Variants in DAPK2 observed in about 807,000 individuals in gnomAD.
DAPK2 encodes death-associated protein kinase 2.
Under a neutral mutation model 44.1 loss-of-function variants are expected in DAPK2, and 35 were observed. The observed-to-expected ratio is 0.79, with a 90% CI of 0.61 to 1.05. The LOEUF is 1.05. Among genes scored for constraint, DAPK2 ranks in the 50% least tolerant of loss-of-function variants. DAPK2 has a pLI of 0.00. For synonymous variants in DAPK2, 174 were observed against 182.6 expected (o/e 0.95, Z 0.38); for missense variants, 453 against 483.2 (o/e 0.94, Z 0.59).
At chr15:63,938,089 C>G (rs2077211786) in intron 4 of DAPK2, among the ~76,000 whole-genome samples, 1 of 152,204 alleles carries the variant, frequency 6.6e-6, no homozygotes. Context: ...ACCAGAAAAT[C>G]TAAAAAGATC....
At chr15:63,946,230 G>GC (rs1567224469) in intron 3 of DAPK2, among the ~76,000 whole-genome samples, 1 of 152,240 alleles carries the variant, frequency 6.6e-6, no homozygotes, top group Non-Finnish European at 1.5e-5. Flanking sequence ...GGCCAGAGGT[G>GC]CCTGCTGTGG....
chr15:63,936,911 T>C (rs1039987210), intron 4 of DAPK2, among the ~76,000 whole-genome samples: 6 of 148,198 alleles, frequency 4.0e-5, no homozygotes, highest in Admixed American at 2.8e-4. Flanking sequence ...GCCCAGGACA[T>C]TGAATCTGCA....
intron 6 of DAPK2, 58 bp from the exon 8 acceptor site, chr15:63,926,151 T>G (rs2140337575): frequency 6.4e-7 from 1 of 1,550,460 alleles, no homozygotes; most frequent in Non-Finnish European, 8.7e-7. Flanking sequence ...AAATGGGGAT[T>G]ACGGACTCGG....
At chr15:63,976,527 T>A (rs985265344) in intron 2 of DAPK2, among the ~76,000 whole-genome samples, 4 of 151,654 alleles carry the variant, frequency 2.6e-5, no homozygotes, top group Non-Finnish European at 4.4e-5. Flanking sequence ...AAGACCAGCC[T>A]GGGCAACATA....
At chr15:63,979,075 G>C (rs1325410332) in intron 2 of DAPK2, among the ~76,000 whole-genome samples, 2 of 152,202 alleles carry the variant, frequency 1.3e-5, no homozygotes, top group African/African-American at 4.8e-5. Context: ...CAACCACCAC[G>C]GTATCGCTTT....
intron 4 of DAPK2, among the ~76,000 whole-genome samples, chr15:63,936,291 G>T (rs1368429249): frequency 6.6e-6 from 1 of 152,198 alleles, no homozygotes; most frequent in Non-Finnish European, 1.5e-5. Flanking sequence ...AGGTGGTGCT[G>T]AAGGAGTTAC....
chr15:64,039,764 C>T (rs1032132725), intron 1 of DAPK2, among the ~76,000 whole-genome samples: 1 of 152,128 alleles, frequency 6.6e-6, no homozygotes, highest in Non-Finnish European at 1.5e-5. Flanking sequence ...AGGATTACCT[C>T]ACCTCCCATT....
chr15:64,045,663 G>T (rs373502313), intron 1 of DAPK2, among the ~76,000 whole-genome samples: 2 of 152,190 alleles, frequency 1.3e-5, no homozygotes, highest in South Asian at 4.1e-4. Flanking sequence ...TTACGGTGAG[G>T]GTTAGCCAGA....
chr15:63,927,397 G>A (rs1418075547), intron 6 of DAPK2, among the ~76,000 whole-genome samples: 1 of 152,122 alleles, frequency 6.6e-6, no homozygotes, highest in Non-Finnish European at 1.5e-5. Flanking sequence ...TCCACCCACA[G>A]AATTAACTTC....
At chr15:64,042,887 C>A (rs1283190068), upstream of DAPK2, among the ~76,000 whole-genome samples, 2 of 152,212 alleles carry the variant, frequency 1.3e-5, no homozygotes, top group Non-Finnish European at 2.9e-5. The surrounding 1 kb of genome is among the most constrained non-coding windows in gnomAD (Gnocchi z 4.7). Flanking sequence ...GCTCCATGAT[C>A]CTTGCCCTCC....
intron 1 of DAPK2, among the ~76,000 whole-genome samples, chr15:64,032,116 T>A (rs2080033131): frequency 6.6e-6 from 1 of 152,118 alleles, no homozygotes. Flanking sequence ...GACGGACAGA[T>A]AAAAGCTGAT....
chr15:63,982,963 G>A (rs755692048), intron 2 of DAPK2, among the ~76,000 whole-genome samples: 2 of 152,198 alleles, frequency 1.3e-5, no homozygotes, highest in Admixed American at 6.5e-5. Flanking sequence ...TGAACAAGAC[G>A]ACAGATAGAA....
chr15:63,983,620 C>T (rs1173834868), exon 2 of DAPK2: 3 of 1,614,052 alleles, frequency 1.9e-6, no homozygotes, highest in Non-Finnish European at 1.7e-6. Flanking sequence ...CCGCAGGATG[C>T]TCACCTCCCG....
At chr15:63,924,780 C>T (rs2079190847) in intron 8 of DAPK2, 36 bp downstream of exon 9, 11 of 1,613,304 alleles carry the variant, frequency 6.8e-6, no homozygotes, top group Non-Finnish European at 9.3e-6. Flanking sequence ...AGAGCAGGGA[C>T]CCTTTGCCCA....
chr15:63,979,374 A>G (rs1361975479), intron 2 of DAPK2, among the ~76,000 whole-genome samples: 2 of 152,208 alleles, frequency 1.3e-5, no homozygotes, highest in Admixed American at 6.5e-5. Flanking sequence ...AGAGCCAGGC[A>G]TGTCCTCCTA....
chr15:64,020,155 G>T lies in DAPK2; in HGVS notation c.92+20015C>A, dbSNP rs548589127. Among the ~76,000 whole-genome samples, 13 of 152,310 alleles carry T rather than the reference G, an allele frequency of 8.5e-5. No individual in the cohort carries two copies. The South Asian group carries it at 2.7e-3, about 32-fold the overall frequency. On this transcript the variant is annotated intron_variant, in intron 1 of 10. Transcript: ENST00000261891. The surrounding 1 kb of genome is among the most constrained non-coding windows in gnomAD (Gnocchi z 4.5). ...GAACACTTCACATAATCATGAAGTT[G>T]CAGGACACTAAGTGCCAGAAGGCAC...
At chr15:63,950,028 T>C (rs1377999027) in intron 3 of DAPK2, among the ~76,000 whole-genome samples, 1 of 152,206 alleles carries the variant, frequency 6.6e-6, no homozygotes, top group East Asian at 1.9e-4. Flanking sequence ...ACCTGAACCT[T>C]TACAGTCTCA....
upstream of DAPK2, among the ~76,000 whole-genome samples, chr15:64,044,185 G>A (rs904190431): frequency 6.6e-5 from 10 of 152,156 alleles, no homozygotes; most frequent in Admixed American, 3.9e-4. Flanking sequence ...CTTTTGGCCA[G>A]AAGCACAGGC....
At chr15:63,924,663 C>T (rs890991769) in intron 8 of DAPK2, 153 bp downstream of exon 9, 3 of 753,602 alleles carry the variant, frequency 4.0e-6, no homozygotes, top group Non-Finnish European at 6.7e-6. Flanking sequence ...AAGCCCAGGC[C>T]CTCTGGGGCC....
Sources: allele counts gnomAD v4.1 joint callset (sites outside exome capture counted in the v4.1 genomes callset), GRCh38; gene constraint gnomAD v4.1.1; non-coding constraint Gnocchi (gnomAD v3.1); transcripts MANE v1.5; gene names NCBI Gene and HGNC (gene_info 2026-07-23, HGNC 2026-07-21).